PCDHGA6: variants seen among roughly 807,000 people sequenced by gnomAD.
PCDHGA6 encodes protocadherin gamma-A6.
A neutral mutation model predicts 60.6 loss-of-function variants in PCDHGA6; 41 were observed. The ratio of observed to expected loss-of-function variants is 0.68; its 90% CI spans 0.53 to 0.88. The LOEUF is 0.88. PCDHGA6 is among the 40% of genes least tolerant of loss of function. PCDHGA6 has a pLI of 0.00. For missense variants in PCDHGA6, 1,312 were observed against 1,203.0 expected, an observed-to-expected ratio of 1.09 and a Z score of -1.34; for synonymous variants, 594 against 524.4, an observed-to-expected ratio of 1.13 and a Z score of -1.81.
At chr5:141,392,834 C>T in intron 1 of PCDHGA6, 2 of 1,607,664 alleles carry the variant, frequency 1.2e-6, no homozygotes, top group Non-Finnish European at 1.7e-6. Flanking sequence ...CACAGAGTCG[C>T]CCCAGACGCG....
In PCDHGA6 at chr5:141,419,703, G is replaced by C. The variant is rs2096418539; in HGVS notation, c.2424+43196G>C. 1 of 1,612,946 alleles carries C rather than the reference G, an allele frequency of 6.2e-7. No individual in the cohort carries two copies. The highest frequency in any genetic ancestry group is 1.3e-5 in the African/African-American group (1 of 74,946). The stretch of plus-strand genomic sequence containing the variant: ...CACGTGGTGCAGGCCAGTGAGCCCG[G>C]GCTCTTCAGCCTGGGGCTGCGAACA... On this transcript the variant is annotated intron_variant, in intron 1 of 3. Coordinates refer to ENST00000517434, the MANE Select transcript of PCDHGA6 (RefSeq NM_018919.3).
rs780578882 is a variant in PCDHGA6 at position 141,486,578 on chromosome 5, C to T, written c.2425-8229C>T. On this transcript the variant is annotated intron_variant, in intron 1 of 3. Coordinates refer to ENST00000517434, the MANE Select transcript of PCDHGA6 (RefSeq NM_018919.3). This position sits in a 1 kb window ranked among gnomAD's most constrained non-coding sequence, Gnocchi z 5.0. ...TGAGGTGTTTGTTCCTGAGAACAAT[C>T]GCCCAGGGGACCTGCTTTGCTCCCT... 1.6e-5 allele frequency: 26 copies of T among 1,613,728 alleles called. No homozygotes were observed. The highest frequency in any genetic ancestry group is 2.2e-5 in the South Asian group (2 of 91,072).
chr5:141,419,968 T>G lies in PCDHGA6; in HGVS notation c.2424+43461T>G, dbSNP rs766617414. ...CCTTGGCCTTGATTTCTGTGCTCTT[T>G]CTCCTCGCGGTGATTCTAGCTATTG... is the stretch of plus-strand genomic sequence containing the variant. On this transcript the variant is annotated intron_variant, in intron 1 of 3. Transcript: ENST00000517434. The G allele has an allele frequency of 6.2e-6, 10 of 1,614,036 alleles. No homozygotes were observed. The South Asian group carries it at 1.1e-4, about 18-fold the overall frequency.
At chr5:141,423,193 T>A in intron 1 of PCDHGA6, 2 of 1,613,564 alleles carry the variant, frequency 1.2e-6, no homozygotes, top group Non-Finnish European at 1.7e-6. Context: ...GCCCCCTCTC[T>A]CGGCCACCGT....
chr5:141,389,726 C>T (rs150721796), intron 1 of PCDHGA6: 77,154 of 1,612,710 alleles, frequency 0.048, 2,225 homozygotes, highest in Non-Finnish European at 0.054. Context: ...AGCCCGGGCT[C>T]TTCAGCCTGG....
At chr5:141,419,781 G>C (rs1331740421) in intron 1 of PCDHGA6, 1 of 1,614,032 alleles carries the variant, frequency 6.2e-7, no homozygotes. Context: ...GTCCGCCAGC[G>C]CCTGCTAGTC....
chr5:141,501,419 C>A (rs910783867), intron 2 of PCDHGA6, among the ~76,000 whole-genome samples: 1 of 151,920 alleles, frequency 6.6e-6, no homozygotes, highest in Non-Finnish European at 1.5e-5. Flanking sequence ...AAATAGTTGA[C>A]TAAATGTAGT....
In PCDHGA6 at chr5:141,394,824, G is replaced by C. The variant is rs200702899; in HGVS notation, c.2424+18317G>C. The C allele has an allele frequency of 8.2e-4, 1,326 of 1,613,856 alleles. 15 individuals are homozygous for C. The highest frequency in any genetic ancestry group is 9.3e-4 in the Admixed American group (56 of 60,030). ...AGCCGTGGCTGACAGCATCCCCGAA[G>C]TCCTGACCGAGTTGGGCAGTCTGAA... On this transcript the variant is annotated intron_variant, in intron 1 of 3. Transcript: ENST00000517434.
chr5:141,486,452 G>T lies in PCDHGA6; in HGVS notation c.2425-8355G>T. 6.2e-7 allele frequency: 1 copy of T among 1,614,152 alleles called. No homozygotes were observed. Among genetic ancestry groups the T allele is most frequent in the Non-Finnish European group, 8.5e-7 (1 of 1,179,996 alleles). Reference sequence around the variant, plus strand: ...ATCTAGCTATGACATCATGGTCACTGCTTCTGATGCTGGGAACCCTCCTCT... The same window carrying T: ...ATCTAGCTATGACATCATGGTCACTTCTTCTGATGCTGGGAACCCTCCTCT... On this transcript the variant is annotated intron_variant, in intron 1 of 3. Coordinates refer to ENST00000517434, the MANE Select transcript of PCDHGA6 (RefSeq NM_018919.3). This position sits in a 1 kb window ranked among gnomAD's most constrained non-coding sequence, Gnocchi z 5.0.
At chr5:141,403,784 G>T in intron 1 of PCDHGA6, 1 of 1,613,906 alleles carries the variant, frequency 6.2e-7, no homozygotes, top group Non-Finnish European at 8.5e-7. Context: ...CGGAAAAGTG[G>T]CATACAAATT....
intron 1 of PCDHGA6, chr5:141,393,560 G>A (rs1448273528): frequency 1.5e-5 from 24 of 1,613,796 alleles, no homozygotes; most frequent in Non-Finnish European, 2.0e-5. Context: ...TTTACCGAGT[G>A]AAAGTCCTTG....
rs769679454 is a variant in PCDHGA6 at position 141,374,960 on chromosome 5, T to C, written c.877T>C (p.Cys293Arg). 15 of 1,614,060 alleles carry C rather than the reference T, an allele frequency of 9.3e-6. No homozygotes were observed. In the East Asian group the frequency reaches 1.6e-4, roughly 17 times the overall value. Residue 293 changes from cysteine (C) to arginine (R), a missense_variant, in exon 1 of 4, where the codon TGT (cysteine) becomes CGT (arginine). By Grantham distance (180) the Cys-to-Arg change is radical. Coordinates refer to ENST00000517434, the MANE Select transcript of PCDHGA6 (RefSeq NM_018919.3). ...TACAGAAAAGATCTCACAAATTTTC[T>C]GTTTGAATGTTTTGACTGGAGAAAT... Reference protein sequence around the residue: ...KITEKISQIFCLNVLTGEIST... With the variant: ...KITEKISQIFRLNVLTGEIST...
rs150878327 is a variant in PCDHGA6 at position 141,438,347 on chromosome 5, C to A, written c.2425-56460C>A. On this transcript the variant is annotated intron_variant, in intron 1 of 3. Coordinates refer to ENST00000517434, the MANE Select transcript of PCDHGA6 (RefSeq NM_018919.3). ...CTTATACATGTCATATAAGGATCTACTCTGTGTATTGTCATTGAGGGCAGA... is the reference window on the plus strand; with the variant it reads ...CTTATACATGTCATATAAGGATCTAATCTGTGTATTGTCATTGAGGGCAGA... Among the ~76,000 whole-genome samples the A allele has an allele frequency of 3.9e-3, 588 of 151,848 alleles. 6 individuals are homozygous for A. Among genetic ancestry groups the A allele is most frequent in the Admixed American group, 0.011 (169 of 15,256 alleles).
intron 1 of PCDHGA6, chr5:141,391,496 G>C (rs1256159469): frequency 6.6e-6 from 1 of 151,988 alleles, no homozygotes; most frequent in Non-Finnish European, 1.5e-5. Flanking sequence ...GTTTTCAGTA[G>C]AGAAAATATT....
At chr5:141,505,673 G>C (rs1389292278) in intron 3 of PCDHGA6, among the ~76,000 whole-genome samples, 192 bp downstream of exon 3, 1 of 152,178 alleles carries the variant, frequency 6.6e-6, no homozygotes, top group East Asian at 1.9e-4. Context: ...AGGGGTTGGG[G>C]GTCCTGGGAT....
intron 1 of PCDHGA6, chr5:141,413,515 G>C: frequency 6.2e-7 from 1 of 1,613,984 alleles, no homozygotes; most frequent in Non-Finnish European, 8.5e-7. Context: ...TAATATCCTT[G>C]TGGAAGACAG....
chr5:141,383,369 C>G, intron 1 of PCDHGA6: 1 of 1,613,978 alleles, frequency 6.2e-7, no homozygotes, highest in Non-Finnish European at 8.5e-7. Flanking sequence ...TTAAGCGAGG[C>G]TGGGGATCCA....
chr5:141,414,000 A>C (rs759228883), intron 1 of PCDHGA6: 20 of 1,613,400 alleles, frequency 1.2e-5, no homozygotes, highest in Non-Finnish European at 1.6e-5. Flanking sequence ...ACAGGGACGA[A>C]GGTGCCAATG....
intron 1 of PCDHGA6, among the ~76,000 whole-genome samples, chr5:141,472,422 C>T (rs1328468154): frequency 6.6e-6 from 1 of 152,008 alleles, no homozygotes; most frequent in East Asian, 1.9e-4. Flanking sequence ...GCACCTGTAT[C>T]CCAGCTACTA....
Sources: allele counts gnomAD v4.1 joint callset (sites outside exome capture counted in the v4.1 genomes callset), GRCh38; gene constraint gnomAD v4.1.1; non-coding constraint Gnocchi (gnomAD v3.1); transcripts MANE v1.5; gene names NCBI Gene and HGNC (gene_info 2026-07-23, HGNC 2026-07-21).